The following CDK14 variants were observed in gnomAD, a reference collection of about 807,000 sequenced individuals.
CDK14 encodes cyclin-dependent kinase 14.
A neutral mutation model predicts 60.7 loss-of-function variants in CDK14; 34 were observed. The observed-to-expected ratio is 0.56, with a 90% CI of 0.43 to 0.75. The LOEUF is 0.75. Ranked by LOEUF, CDK14 falls within the 30% of genes least tolerant of loss-of-function variation. CDK14 has a pLI of 0.00. For synonymous variants in CDK14, 197 were observed against 203.7 expected (o/e 0.97, Z 0.28); for missense variants, 482 against 564.1 (o/e 0.85, Z 1.47).
At chr7:91,056,160 A>G (rs1174139442) in intron 11 of CDK14, among the ~76,000 whole-genome samples, 1 of 152,208 alleles carries the variant, frequency 6.6e-6, no homozygotes, top group Non-Finnish European at 1.5e-5. Flanking sequence ...GTGGGTGTTG[A>G]CCACAGTACC....
Position 90,917,704 on chromosome 7 carries a change from A to T in CDK14, c.806A>T (p.Glu269Val). The change falls in exon 8 of 15, where the codon GAG (glutamate) becomes GTG (valine). Residue 269 changes from glutamate (E) to valine (V), a missense_variant. By Grantham distance (121) the Glu-to-Val change is moderately radical. Transcript: ENST00000380050. ...PQNLLISDTG[E>V]LKLADFGLAR... ...AACCTTCTGATCAGTGACACGGGGG[A>T]GTTAAAGCTGGCAGATTTCGGTAGG... The T allele has an allele frequency of 6.2e-7, 1 of 1,612,880 alleles. No individual in the cohort carries two copies. Among genetic ancestry groups the T allele is most frequent in the South Asian group, 1.1e-5 (1 of 90,950 alleles).
chr7:90,720,441 G>T (rs561718351), intron 2 of CDK14, among the ~76,000 whole-genome samples: 1 of 152,266 alleles, frequency 6.6e-6, no homozygotes, highest in South Asian at 2.1e-4. Flanking sequence ...ACAGCTCATG[G>T]CCTTTGTATT....
At chr7:90,680,527 T>C (rs1801292377) in intron 2 of CDK14, among the ~76,000 whole-genome samples, 1 of 152,198 alleles carries the variant, frequency 6.6e-6, no homozygotes, top group South Asian at 2.1e-4. Context: ...TCAGGTCAGA[T>C]AGAATGAGTT....
intron 13 of CDK14, among the ~76,000 whole-genome samples, chr7:91,113,660 C>T (rs1799533466): frequency 6.6e-6 from 1 of 152,128 alleles, no homozygotes; most frequent in South Asian, 2.1e-4. Context: ...CCTTGGTATA[C>T]ATCACTTACA....
chr7:90,796,096 A>C (rs1376088641), intron 5 of CDK14, among the ~76,000 whole-genome samples: 1 of 152,092 alleles, frequency 6.6e-6, no homozygotes, highest in Non-Finnish European at 1.5e-5. Context: ...TGGCAACATA[A>C]TTTCATTTTA....
chr7:90,634,283 C>G (rs1800078050), intron 2 of CDK14, among the ~76,000 whole-genome samples: 1 of 102,002 alleles, frequency 9.8e-6, no homozygotes, highest in Non-Finnish European at 1.8e-5. Flanking sequence ...TGTCCCTCCC[C>G]CCTCCCCCCA....
intron 3 of CDK14, among the ~76,000 whole-genome samples, chr7:90,737,890 G>A (rs1803187664): frequency 6.6e-6 from 1 of 152,116 alleles, no homozygotes; most frequent in Non-Finnish European, 1.5e-5. Context: ...CTTAAGCAAG[G>A]GGTTATGTGT....
At chr7:90,665,183 G>A (rs1452958469) in intron 2 of CDK14, among the ~76,000 whole-genome samples, 1 of 152,014 alleles carries the variant, frequency 6.6e-6, no homozygotes, top group Non-Finnish European at 1.5e-5. Context: ...TACTCGGGAG[G>A]CTGAGGCAGG....
intron 8 of CDK14, among the ~76,000 whole-genome samples, chr7:90,935,973 T>C (rs935046926): frequency 4.0e-5 from 6 of 151,640 alleles, no homozygotes; most frequent in Non-Finnish European, 8.8e-5. Context: ...TAGAGGGAGG[T>C]TGAGGCTGCA....
At chr7:91,006,985 G>A (rs1795996567) in intron 10 of CDK14, among the ~76,000 whole-genome samples, 1 of 152,136 alleles carries the variant, frequency 6.6e-6, no homozygotes, top group African/African-American at 2.4e-5. Context: ...GTCATGGAAC[G>A]ACAAGCCTGC....
chr7:90,624,211 C>T (rs779654341), intron 2 of CDK14, among the ~76,000 whole-genome samples: 3 of 152,130 alleles, frequency 2.0e-5, no homozygotes, highest in African/African-American at 4.8e-5. Flanking sequence ...TTCCTGCCCT[C>T]TCACCCTCAC....
chr7:90,643,498 T>G (rs1362518516), intron 2 of CDK14, among the ~76,000 whole-genome samples: 1 of 152,198 alleles, frequency 6.6e-6, no homozygotes, highest in African/African-American at 2.4e-5. Context: ...AATTTCTTAA[T>G]TTATAACATT....
intron 2 of CDK14, among the ~76,000 whole-genome samples, chr7:90,721,008 A>T (rs1343694739): frequency 1.3e-5 from 2 of 152,130 alleles, no homozygotes; most frequent in East Asian, 1.9e-4. Context: ...TAACTTCTTT[A>T]AAAAAATGCT....
Position 90,596,550 on chromosome 7 carries a change from C to G in CDK14, c.-78C>G, listed in dbSNP as rs1799189484. ...GTGGAGGAGGAGGCGCCGCTTTCCC[C>G]GCGGCGCGCGCCCTCGCCGTTGTCT... On this transcript the variant is annotated 5_prime_UTR_variant, in exon 1 of 15. Transcript: ENST00000380050. 1 of 1,273,846 alleles carries G rather than the reference C, an allele frequency of 7.9e-7. No individual in the cohort carries two copies. Among genetic ancestry groups the G allele is most frequent in the African/African-American group, 1.5e-5 (1 of 67,486 alleles). The allele number at this position is 1,273,846 out of a possible 1,614,324, so 78.9% of individuals were successfully genotyped here.
chr7:90,875,102 CATA>C (rs967585884), intron 6 of CDK14, among the ~76,000 whole-genome samples: 8 of 152,302 alleles, frequency 5.3e-5, no homozygotes, highest in South Asian at 2.1e-4. Flanking sequence ...TAAATGGAAT[CATA>C]ATAATATGTG....
chr7:90,602,906 A>G (rs1799345190), intron 1 of CDK14, among the ~76,000 whole-genome samples: 1 of 152,228 alleles, frequency 6.6e-6, no homozygotes. Context: ...TCTTGAAAAC[A>G]CAAATATATG....
chr7:90,893,681 A>G (rs1792208784), intron 6 of CDK14, among the ~76,000 whole-genome samples: 1 of 152,244 alleles, frequency 6.6e-6, no homozygotes, highest in African/African-American at 2.4e-5. Flanking sequence ...AGGCACATGT[A>G]ATGCAGTCCT....
intron 14 of CDK14, among the ~76,000 whole-genome samples, chr7:91,180,447 C>A (rs1801964687): frequency 6.6e-6 from 1 of 151,978 alleles, no homozygotes; most frequent in South Asian, 2.1e-4. Context: ...TATAGTACAG[C>A]CCCATCTCTG....
At chr7:91,063,151 A>G (rs527504087) in intron 11 of CDK14, among the ~76,000 whole-genome samples, 1 of 152,308 alleles carries the variant, frequency 6.6e-6, no homozygotes. Flanking sequence ...TCTGACTCCT[A>G]GGCTTGTCAG....
Sources: gnomAD v4.1 joint callset for allele counts (sites outside exome capture counted in the v4.1 genomes callset) on GRCh38, gnomAD v4.1.1 for gene constraint, MANE v1.5 for transcripts, NCBI Gene and HGNC (gene_info 2026-07-23, HGNC 2026-07-21) for gene names.